NRG1: variants seen among roughly 807,000 people sequenced by gnomAD.
NRG1 encodes neuregulin 1.
NRG1 carries 18 observed loss-of-function variants against 63.8 expected under a neutral mutation model. The observed-to-expected ratio is 0.28, with a 90% CI of 0.19 to 0.42. The LOEUF is 0.42. NRG1 is among the 10% of genes least tolerant of loss of function. NRG1 has a pLI of 1.00. For missense variants in NRG1, 762 were observed against 814.7 expected (o/e 0.94, Z 0.79); for synonymous variants, 302 against 301.3 (o/e 1.00, Z -0.02).
intron 1 of NRG1, among the ~76,000 whole-genome samples, chr8:32,221,740 T>C (rs2132488731): frequency 6.6e-6 from 1 of 152,280 alleles, no homozygotes; most frequent in Non-Finnish European, 1.5e-5. Flanking sequence ...GTTGTTGCAG[T>C]AGACTAAATG....
intron 1 of NRG1, among the ~76,000 whole-genome samples, chr8:32,070,581 A>G (rs542950216): frequency 2.6e-5 from 4 of 152,216 alleles, no homozygotes; most frequent in African/African-American, 9.6e-5. Context: ...TTTCCTTTTC[A>G]TAGCCACCTT....
At chr8:31,835,839 G>C (rs1825643186) in intron 1 of NRG1, among the ~76,000 whole-genome samples, 1 of 152,244 alleles carries the variant, frequency 6.6e-6, no homozygotes, top group East Asian at 1.9e-4. Flanking sequence ...CTGTTCAGTA[G>C]AACTTTTTGG....
intron 1 of NRG1, among the ~76,000 whole-genome samples, chr8:31,727,486 A>T (rs1813566525): frequency 6.6e-6 from 1 of 152,202 alleles, no homozygotes; most frequent in South Asian, 2.1e-4. Context: ...GATGAAAATT[A>T]AGCCATAAGC....
chr8:32,271,888 C>T (rs1214262534), intron 1 of NRG1, among the ~76,000 whole-genome samples: 1 of 152,126 alleles, frequency 6.6e-6, no homozygotes, highest in Non-Finnish European at 1.5e-5. Context: ...GTGCACACAG[C>T]ATGGCCTGCT....
At chr8:32,651,574 C>G (rs1456522984) in intron 5 of NRG1, among the ~76,000 whole-genome samples, 2 of 152,096 alleles carry the variant, frequency 1.3e-5, no homozygotes, top group African/African-American at 2.4e-5. Context: ...ATATGAGATC[C>G]TCCCTGCTTG....
At chr8:32,215,093 C>G (rs916089531) in intron 1 of NRG1, among the ~76,000 whole-genome samples, 1 of 152,144 alleles carries the variant, frequency 6.6e-6, no homozygotes, top group Non-Finnish European at 1.5e-5. Context: ...GAATTGTGTC[C>G]TATGCTTACT....
chr8:32,149,477 G>C (rs1449156665), intron 1 of NRG1, among the ~76,000 whole-genome samples: 3 of 151,690 alleles, frequency 2.0e-5, no homozygotes, highest in South Asian at 2.1e-4. Flanking sequence ...ATGAAGGGAT[G>C]CCCTTCTGTT....
intron 1 of NRG1, among the ~76,000 whole-genome samples, chr8:32,250,457 T>G (rs1586383817): frequency 6.6e-6 from 1 of 152,280 alleles, no homozygotes; most frequent in Non-Finnish European, 1.5e-5. Context: ...TGTGTTTATT[T>G]AACTGCAACA....
At chr8:32,713,736 A>C (rs1370160735) in intron 5 of NRG1, among the ~76,000 whole-genome samples, 1 of 145,986 alleles carries the variant, frequency 6.8e-6, no homozygotes, top group South Asian at 2.1e-4. Context: ...TAAATATATA[A>C]TATATTTGTT....
intron 1 of NRG1, among the ~76,000 whole-genome samples, chr8:32,174,856 A>G (rs1362447964): frequency 6.6e-6 from 1 of 152,182 alleles, no homozygotes; most frequent in Non-Finnish European, 1.5e-5. Flanking sequence ...TACCAACCAA[A>G]AAAAGTCCAG....
chr8:31,849,851 G>A (rs1233509465), intron 1 of NRG1, among the ~76,000 whole-genome samples: 2 of 152,058 alleles, frequency 1.3e-5, no homozygotes, highest in African/African-American at 4.8e-5. Flanking sequence ...ACTTCTCTAA[G>A]GTATATTTAT....
chr8:32,010,829 T>C (rs191652774), intron 1 of NRG1, among the ~76,000 whole-genome samples: 4 of 152,014 alleles, frequency 2.6e-5, no homozygotes, highest in African/African-American at 9.7e-5. Flanking sequence ...TAAGAGGAAA[T>C]ATATACAGTG....
intron 3 of NRG1, among the ~76,000 whole-genome samples, chr8:32,610,393 T>C (rs1429329790): frequency 6.6e-6 from 1 of 152,202 alleles, no homozygotes; most frequent in Non-Finnish European, 1.5e-5. Flanking sequence ...TCTCCCCAGA[T>C]GACCTTGCTG....
At chr8:32,111,686 T>G (rs941505409) in intron 1 of NRG1, among the ~76,000 whole-genome samples, 1 of 152,210 alleles carries the variant, frequency 6.6e-6, no homozygotes, top group Admixed American at 6.5e-5. Context: ...CTCAGTATTT[T>G]GCCTAGTAAA....
intron 1 of NRG1, among the ~76,000 whole-genome samples, chr8:32,042,783 G>GA (rs1183286999): frequency 6.6e-6 from 1 of 152,072 alleles, no homozygotes; most frequent in Non-Finnish European, 1.5e-5. Flanking sequence ...AAGGCTCCAT[G>GA]AAAGTGACAG....
intron 1 of NRG1, among the ~76,000 whole-genome samples, chr8:31,670,406 G>T (rs1311582862): frequency 6.6e-6 from 1 of 151,944 alleles, no homozygotes. Context: ...TTCAATCAAA[G>T]ATCATTAATA....
At chr8:32,536,922 CAAAAAAAAAAA>C (rs35265022) in intron 1 of NRG1, among the ~76,000 whole-genome samples, 5 of 35,912 alleles carry the variant, frequency 1.4e-4, no homozygotes, top group African/African-American at 1.5e-4. Flanking sequence ...GACTCCGTCT[CAAAAAAAAAAA>C]AAAAAAAAAA....
At chr8:32,004,908 A>G (rs1813506786) in intron 1 of NRG1, among the ~76,000 whole-genome samples, 1 of 151,860 alleles carries the variant, frequency 6.6e-6, no homozygotes, top group Non-Finnish European at 1.5e-5. Flanking sequence ...TTTAAGGGTA[A>G]TTAATACAAG....
intron 1 of NRG1, among the ~76,000 whole-genome samples, chr8:32,573,363 G>T (rs527319032): frequency 3.8e-5 from 4 of 105,888 alleles, no homozygotes; most frequent in African/African-American, 1.4e-4. Flanking sequence ...ATGCAAGTGT[G>T]CTCCAATAAA....
Sources: gnomAD v4.1 joint callset for allele counts (sites outside exome capture counted in the v4.1 genomes callset) on GRCh38, gnomAD v4.1.1 for gene constraint, MANE v1.5 for transcripts, NCBI Gene and HGNC (gene_info 2026-07-23, HGNC 2026-07-21) for gene names.